NXF3: variants seen among roughly 807,000 people sequenced by gnomAD.
NXF3 encodes TAP-like protein 3.
Under a neutral mutation model 48.4 loss-of-function variants are expected in NXF3, and 34 were observed. That is an observed-to-expected ratio of 0.70 (90% CI 0.53 to 0.93). The LOEUF (loss-of-function observed/expected upper bound fraction) is 0.93. Among genes scored for constraint, NXF3 ranks in the 40% least tolerant of loss-of-function variants. The pLI, the probability that NXF3 is intolerant of heterozygous loss-of-function variation, is 0.00. For missense variants in NXF3, 359 were observed against 406.1 expected, an observed-to-expected ratio of 0.88 and a Z score of 1.00; for synonymous variants, 132 against 145.7, an observed-to-expected ratio of 0.91 and a Z score of 0.68.
At chrX:103,079,497 G>C (rs1426266780) in intron 14 of NXF3, 23 bp from the exon 15 acceptor site, 3 of 1,190,872 alleles carry the variant, frequency 2.5e-6, no homozygotes, top group Non-Finnish European at 2.3e-6. Context: ...AGAGAAGCAA[G>C]GATTTGGGGG....
At chrX:103,086,159 G>A (rs775327834) in intron 1 of NXF3, among the ~76,000 whole-genome samples, 2 of 111,269 alleles carry the variant, frequency 1.8e-5, no homozygotes, top group Non-Finnish European at 3.8e-5. Context: ...GGTGGCTCAC[G>A]CCTGTAATCC....
intron 1 of NXF3, chrX:103,087,966 G>T (rs1393920010): frequency 7.3e-6 from 7 of 956,312 alleles, no homozygotes; most frequent in Non-Finnish European, 1.0e-5. Flanking sequence ...ATTGCCCCCT[G>T]CCTAATAAGT....
rs777480177 is a variant in NXF3, at chrX:103,077,865, T to C, written c.1452-119A>G. 4 of 854,341 alleles carry C rather than the reference T, an allele frequency of 4.7e-6. No homozygotes were observed. In the Admixed American group the frequency reaches 1.1e-4, roughly 23 times the overall value. The allele number at this position is 854,341 out of a possible 1,213,427, so 70.4% of individuals were successfully genotyped here. ...CTTCGATACCTCTACTGTGCCTCCC[T>C]CCTAGCTTTTTGGCTGGTACCCTCT... On this transcript the variant is annotated intron_variant, in intron 17 of 19. Coordinates refer to ENST00000395065, the MANE Select transcript of NXF3 (RefSeq NM_022052.2).
chrX:103,076,969 TC>T (rs1921885184), intron 18 of NXF3, among the ~76,000 whole-genome samples: 1 of 111,040 alleles, frequency 9.0e-6, no homozygotes, highest in African/African-American at 3.3e-5. Flanking sequence ...TAGACCTGTC[TC>T]CCGGGCACAT....
At chrX:103,087,273 A>G in intron 1 of NXF3, 1 of 1,106,930 alleles carries the variant, frequency 9.0e-7, no homozygotes, top group Non-Finnish European at 1.2e-6. Flanking sequence ...GAAACAGGCC[A>G]TATATTTGCA....
Position 103,084,942 on chromosome X carries a change from A to G in NXF3, c.29-59T>C, listed in dbSNP as rs1171831276. The G allele has an allele frequency of 1.1e-5, 11 of 1,019,559 alleles. No homozygotes were observed. In the East Asian group the frequency reaches 3.0e-4, roughly 28 times the overall value. 84.0% of individuals were successfully genotyped at this position (1,019,559 alleles called of 1,213,427 possible). ...TACCAGAAAAAAATCTTGGGAAAAT[A>G]TAATGGATAATGAAAAAATTCACTG... is the stretch of plus-strand genomic sequence containing the variant. On this transcript the variant is annotated intron_variant, in intron 1 of 19. Transcript: ENST00000395065.
rs182256731 is a variant in NXF3, at chrX:103,085,241, G to C, written c.29-358C>G. On this transcript the variant is annotated intron_variant, in intron 1 of 19. Coordinates refer to ENST00000395065, the MANE Select transcript of NXF3 (RefSeq NM_022052.2). ...AAAAAAGTTGAAAGACTTCACTGTGGTTTCACCTCCTGGGAGATGAGTGTT... is the reference window on the plus strand; with the variant it reads ...AAAAAAGTTGAAAGACTTCACTGTGCTTTCACCTCCTGGGAGATGAGTGTT... Among the ~76,000 whole-genome samples the C allele has an allele frequency of 5.5e-3, 614 of 111,721 alleles. 4 individuals carry two copies. Among genetic ancestry groups the C allele is most frequent in the African/African-American group, 0.019 (589 of 30,713 alleles).
Position 103,082,264 on chromosome X carries a change from C to T in NXF3, c.881G>A (p.Ser294Asn). Residue 294 changes from serine (S) to asparagine (N), a missense_variant, in exon 9 of 20, where the codon AGC (serine) becomes AAC (asparagine). By Grantham distance (46) the Ser-to-Asn change is conservative. Coordinates refer to ENST00000395065, the MANE Select transcript of NXF3 (RefSeq NM_022052.2). ...AGAGGGTACAACTGACTTTATGTTG[C>T]TGGAGGTATCCGAGAAGGTCGTGCA... ...PVCTTFSDTS[S>N]NINSILELFP... The T allele has an allele frequency of 3.3e-6, 4 of 1,199,228 alleles. No individual in the cohort carries two copies. The highest frequency in any genetic ancestry group is 4.5e-6 in the Non-Finnish European group (4 of 884,296).
At chrX:103,077,873 T>C in intron 17 of NXF3, 127 bp from the exon 18 acceptor site, 1 of 762,551 alleles carries the variant, frequency 1.3e-6, no homozygotes, top group Non-Finnish European at 1.9e-6. Context: ...CCTCCTAGCT[T>C]TTTGGCTGGT....
intron 18 of NXF3, among the ~76,000 whole-genome samples, chrX:103,077,171 C>T (rs1285846073): frequency 9.1e-6 from 1 of 109,959 alleles, no homozygotes; most frequent in Non-Finnish European, 1.9e-5. Flanking sequence ...TCTGCAAGTT[C>T]CCATTATTCA....
At chrX:103,083,887 G>A (rs1456917499) in intron 3 of NXF3, among the ~76,000 whole-genome samples, 195 bp from the exon 4 acceptor site, 1 of 111,128 alleles carries the variant, frequency 9.0e-6, no homozygotes, top group South Asian at 3.8e-4. Flanking sequence ...ACCAAACATG[G>A]ATTTCCTAAA....
chrX:103,079,481 A>G lies in NXF3; in HGVS notation c.1220-7T>C, dbSNP rs1569279589. ...AGCAGCTCCCCCCGAAGGTCTGTAGAGGAGAAGAGAAGCAAGGATTTGGGG... is the reference window on the plus strand; with the variant it reads ...AGCAGCTCCCCCCGAAGGTCTGTAGGGGAGAAGAGAAGCAAGGATTTGGGG... On this transcript the variant is annotated splice_region_variant and splice_polypyrimidine_tract_variant and intron_variant, in intron 14 of 19. Coordinates refer to ENST00000395065, the MANE Select transcript of NXF3 (RefSeq NM_022052.2). 3 of 1,203,867 alleles carry G rather than the reference A, an allele frequency of 2.5e-6. No individual in the cohort carries two copies. The East Asian group carries it at 8.9e-5, about 36-fold the overall frequency.
chrX:103,077,399 C>T (rs749167168), intron 18 of NXF3, among the ~76,000 whole-genome samples: 3 of 110,131 alleles, frequency 2.7e-5, no homozygotes, highest in Non-Finnish European at 3.8e-5. Context: ...TACAGGCGCC[C>T]GCCACCACGC....
chrX:103,087,657 G>C, intron 1 of NXF3: 1 of 1,014,962 alleles, frequency 9.9e-7, no homozygotes. Context: ...AGCATGAAGA[G>C]AAGAAAGAAT....
intron 1 of NXF3, among the ~76,000 whole-genome samples, chrX:103,091,984 CAAAAAAAA>C (rs59377364): frequency 4.2e-5 from 2 of 47,811 alleles, no homozygotes. Context: ...GACTCCATCA[CAAAAAAAA>C]AAAAAAAAAA....
chrX:103,076,358 C>T, intron 18 of NXF3, 57 bp from the exon 19 acceptor site: 1 of 1,095,006 alleles, frequency 9.1e-7, no homozygotes, highest in Admixed American at 2.2e-5. Flanking sequence ...GACACTCTGA[C>T]AATACAATGC....
At chrX:103,091,910 G>A (rs1240255513) in intron 1 of NXF3, among the ~76,000 whole-genome samples, 16 of 104,655 alleles carry the variant, frequency 1.5e-4, no homozygotes, top group East Asian at 3.0e-4. Flanking sequence ...GCGTGAACCC[G>A]GGAGGCAGAG....
In NXF3 at chrX:103,087,634, C is replaced by A. The variant is rs750417651; in HGVS notation, c.29-2751G>T. The A allele has an allele frequency of 3.3e-5, 32 of 983,246 alleles. 1 individual carries two copies. Among genetic ancestry groups the A allele is most frequent in the African/African-American group, 1.5e-4 (8 of 52,773 alleles). 81.0% of individuals were successfully genotyped at this position (983,246 alleles called of 1,213,427 possible). The stretch of plus-strand genomic sequence containing the variant: ...GGGCATTACACCCGTGCTCTAAGTC[C>A]GATCCCACATATAGCATGAAGAGAA... On this transcript the variant is annotated intron_variant, in intron 1 of 19. Coordinates refer to ENST00000395065, the MANE Select transcript of NXF3 (RefSeq NM_022052.2).
At chrX:103,092,178 T>G (rs1360462390) in intron 1 of NXF3, among the ~76,000 whole-genome samples, 1 of 110,509 alleles carries the variant, frequency 9.0e-6, no homozygotes, top group East Asian at 2.8e-4. Flanking sequence ...CGGACATAGT[T>G]TGATTGGCTG....
Sources: allele counts gnomAD v4.1 joint callset (sites outside exome capture counted in the v4.1 genomes callset), GRCh38; gene constraint gnomAD v4.1.1; transcripts MANE v1.5; gene names NCBI Gene and HGNC (gene_info 2026-07-23, HGNC 2026-07-21).